Variants in CLSTN2 observed in about 807,000 individuals in gnomAD.
The protein encoded by CLSTN2 is calsyntenin-2.
A neutral mutation model predicts 101.2 loss-of-function variants in CLSTN2; 48 were observed. The observed-to-expected ratio is 0.47, with a 90% CI of 0.38 to 0.60. The LOEUF (loss-of-function observed/expected upper bound fraction) is 0.60. Ranked by LOEUF, CLSTN2 falls within the 20% of genes least tolerant of loss-of-function variation. The pLI is 0.00. For synonymous variants in CLSTN2, 481 were observed against 463.6 expected, an observed-to-expected ratio of 1.04 and a Z score of -0.48; for missense variants, 1,160 against 1,238.2, an observed-to-expected ratio of 0.94 and a Z score of 0.95.
rs551019303 is a variant in CLSTN2, at chr3:140,174,667, G to A, written c.110-1284G>A. Among the ~76,000 whole-genome samples, 129 of 152,320 alleles carry A rather than the reference G, an allele frequency of 8.5e-4. 1 individual carries two copies. Among genetic ancestry groups the A allele is most frequent in the South Asian group, 6.4e-3 (31 of 4,822 alleles). On this transcript the variant is annotated intron_variant, in intron 1 of 16. Coordinates refer to ENST00000458420, the MANE Select transcript of CLSTN2 (RefSeq NM_022131.3). Reference sequence around the variant, plus strand: ...CAGGCAAAGAGAGAATGAGGAAGCCGTAAAAGCGGAAACCCCTGAGAAAAC... The same window carrying A: ...CAGGCAAAGAGAGAATGAGGAAGCCATAAAAGCGGAAACCCCTGAGAAAAC...
chr3:140,167,034 A>C (rs1279434609), intron 1 of CLSTN2, among the ~76,000 whole-genome samples: 1 of 152,206 alleles, frequency 6.6e-6, no homozygotes, highest in Non-Finnish European at 1.5e-5. Flanking sequence ...GGAACAGATT[A>C]AATAAGGAAT....
intron 1 of CLSTN2, among the ~76,000 whole-genome samples, chr3:140,115,180 G>C (rs1198955062): frequency 6.6e-6 from 1 of 152,172 alleles, no homozygotes; most frequent in South Asian, 2.1e-4. Flanking sequence ...GAGCAAGTGA[G>C]GGGGAGATAT....
chr3:140,104,363 G>C (rs6787530), intron 1 of CLSTN2, among the ~76,000 whole-genome samples: 64 of 152,322 alleles, frequency 4.2e-4, no homozygotes, highest in African/African-American at 1.5e-3. Flanking sequence ...AGAGGTAGAA[G>C]TTTCTATTCT....
chr3:140,116,241 T>A (rs1361452881), intron 1 of CLSTN2, among the ~76,000 whole-genome samples: 1 of 152,184 alleles, frequency 6.6e-6, no homozygotes, highest in Non-Finnish European at 1.5e-5. Flanking sequence ...TTAAACTCAG[T>A]AAAATTCATT....
intron 1 of CLSTN2, among the ~76,000 whole-genome samples, chr3:140,070,933 C>G (rs928548212): frequency 6.6e-6 from 1 of 152,074 alleles, no homozygotes; most frequent in African/African-American, 2.4e-5. Flanking sequence ...ATTATCCATC[C>G]CTTTAAGAAA....
At chr3:139,987,601 A>G (rs1936048119) in intron 1 of CLSTN2, among the ~76,000 whole-genome samples, 1 of 152,230 alleles carries the variant, frequency 6.6e-6, no homozygotes, top group East Asian at 1.9e-4. Context: ...ATAAAAAAGT[A>G]AGAGCACTTC....
At chr3:140,236,458 T>G (rs763013781) in intron 2 of CLSTN2, among the ~76,000 whole-genome samples, 1 of 152,202 alleles carries the variant, frequency 6.6e-6, no homozygotes, top group Non-Finnish European at 1.5e-5. Flanking sequence ...ATGTATTTTG[T>G]GTTTTTGTCA....
At chr3:139,968,784 A>T (rs967598728) in intron 1 of CLSTN2, among the ~76,000 whole-genome samples, 1 of 152,224 alleles carries the variant, frequency 6.6e-6, no homozygotes, top group African/African-American at 2.4e-5. Context: ...AAAAACTATA[A>T]AAAAGAAATT....
At chr3:140,255,218 C>T (rs9846393) in intron 2 of CLSTN2, among the ~76,000 whole-genome samples, 82,227 of 152,034 alleles carry the variant, frequency 0.54, 24,525 homozygotes, top group East Asian at 0.96. Context: ...TAAATTAGTT[C>T]AGCCATCGTG....
intron 2 of CLSTN2, among the ~76,000 whole-genome samples, chr3:140,215,048 G>A (rs1337068367): frequency 6.6e-6 from 1 of 152,220 alleles, no homozygotes; most frequent in Non-Finnish European, 1.5e-5. Context: ...CTTGCAAGGA[G>A]AGAACTTGAT....
chr3:140,041,605 C>T (rs2007763100), intron 1 of CLSTN2, among the ~76,000 whole-genome samples: 2 of 152,222 alleles, frequency 1.3e-5, no homozygotes. Flanking sequence ...TCTGTACAAA[C>T]TCCTTGTAGC....
chr3:140,367,803 T>G (rs2087809323), intron 2 of CLSTN2, among the ~76,000 whole-genome samples: 1 of 152,202 alleles, frequency 6.6e-6, no homozygotes, highest in African/African-American at 2.4e-5. Flanking sequence ...ACTTCTTCAT[T>G]TGTAAACCAT....
At chr3:140,466,062 C>A (rs1049950111) in intron 7 of CLSTN2, among the ~76,000 whole-genome samples, 6 of 152,152 alleles carry the variant, frequency 3.9e-5, no homozygotes, top group Non-Finnish European at 7.4e-5. Context: ...ATCTCTAATG[C>A]TGGAAAATCA....
At chr3:140,292,970 T>C (rs2086969164) in intron 2 of CLSTN2, among the ~76,000 whole-genome samples, 1 of 152,198 alleles carries the variant, frequency 6.6e-6, no homozygotes, top group African/African-American at 2.4e-5. Context: ...AGGCAGTTAG[T>C]AAACTGTCCC....
chr3:140,308,189 T>C (rs896188253), intron 2 of CLSTN2, among the ~76,000 whole-genome samples: 4 of 152,190 alleles, frequency 2.6e-5, no homozygotes, highest in African/African-American at 9.7e-5. Flanking sequence ...ACACTGACAG[T>C]AGCAATATCC....
chr3:140,020,675 T>A (rs571239636), intron 1 of CLSTN2, among the ~76,000 whole-genome samples: 135 of 152,260 alleles, frequency 8.9e-4, no homozygotes, highest in African/African-American at 3.2e-3. Context: ...ACTAATAGCA[T>A]CTTCTCCTCC....
chr3:139,958,395 T>C (rs1055780269), intron 1 of CLSTN2, among the ~76,000 whole-genome samples: 8 of 152,328 alleles, frequency 5.3e-5, no homozygotes, highest in Admixed American at 5.2e-4. Context: ...GCTTTACCTT[T>C]CTGTTGTCTG....
At chr3:140,236,968 C>T (rs1016011319) in intron 2 of CLSTN2, among the ~76,000 whole-genome samples, 5 of 151,604 alleles carry the variant, frequency 3.3e-5, no homozygotes, top group Non-Finnish European at 7.4e-5. Context: ...CTATTAATTA[C>T]ATTATCTGTG....
intron 2 of CLSTN2, among the ~76,000 whole-genome samples, chr3:140,226,664 A>G (rs894273757): frequency 2.0e-5 from 3 of 152,192 alleles, no homozygotes; most frequent in African/African-American, 7.2e-5. Flanking sequence ...TAAACTATGC[A>G]GTGCTGGTGT....
Sources: allele counts gnomAD v4.1 joint callset (sites outside exome capture counted in the v4.1 genomes callset), GRCh38; gene constraint gnomAD v4.1.1; transcripts MANE v1.5; gene names NCBI Gene and HGNC (gene_info 2026-07-23, HGNC 2026-07-21).